The following PRKAG2 variants were observed in gnomAD, a reference collection of about 807,000 sequenced individuals.
PRKAG2 encodes 5'-AMP-activated protein kinase subunit gamma-2.
Under a neutral mutation model 69.6 loss-of-function variants are expected in PRKAG2, and 26 were observed. That is an observed-to-expected ratio of 0.37 (90% CI 0.27 to 0.52). The LOEUF (loss-of-function observed/expected upper bound fraction) is 0.52, where lower values mean the gene tolerates loss of function less well. PRKAG2 is among the 20% of genes least tolerant of loss of function. The pLI is 0.90. For synonymous variants in PRKAG2, 293 were observed against 285.0 expected, an observed-to-expected ratio of 1.03 and a Z score of -0.28; for missense variants, 557 against 740.0, an observed-to-expected ratio of 0.75 and a Z score of 2.87.
chr7:151,712,336 G>A (rs1220409714), intron 3 of PRKAG2, among the ~76,000 whole-genome samples: 1 of 152,220 alleles, frequency 6.6e-6, no homozygotes, highest in Non-Finnish European at 1.5e-5. Context: ...GTGTGGCCTG[G>A]AGGGAGAATC....
At position 151,799,411 on chromosome 7, in the gene PRKAG2, G is replaced by A. The variant is rs533473341; in HGVS notation, c.115-12870C>T. ...GATTGCAACGGGCTGGCCATCCCTC[G>A]CACGGGCCTGGCTATACTGGGCACA... On this transcript the variant is annotated intron_variant, in intron 1 of 15. Coordinates refer to ENST00000287878, the MANE Select transcript of PRKAG2 (RefSeq NM_016203.4). Among the ~76,000 whole-genome samples, 15 of 152,286 alleles carry A rather than the reference G, an allele frequency of 9.8e-5. No individual in the cohort carries two copies. The East Asian group carries it at 2.5e-3, about 25-fold the overall frequency.
chr7:151,649,986 G>T (rs993884403), intron 4 of PRKAG2, among the ~76,000 whole-genome samples: 5 of 152,076 alleles, frequency 3.3e-5, no homozygotes, highest in Non-Finnish European at 7.4e-5. Flanking sequence ...TCACCTCCCC[G>T]ACACACACCC....
Position 151,767,289 on chromosome 7 carries a change from CGTTTT to C in PRKAG2, c.466+13858_466+13862del, listed in dbSNP as rs1048692246. On this transcript the variant is annotated intron_variant, in intron 3 of 15. Transcript: ENST00000287878. ...CCAGCCTCTTGAGATAATAAACTCC[CGTTTT>C]GTTTTATTTTGTTAAAGATGGGGTC... Among the ~76,000 whole-genome samples the C allele has an allele frequency of 3.3e-5, 5 of 152,216 alleles. 1 individual carries two copies. The highest frequency in any genetic ancestry group is 1.2e-4 in the African/African-American group (5 of 41,536).
rs897732576 is a variant in PRKAG2 at position 151,632,600 on chromosome 7, G to A, written c.685-462C>T. 13 of 984,246 alleles carry A rather than the reference G, an allele frequency of 1.3e-5. No homozygotes were observed. The highest frequency in any genetic ancestry group is 1.7e-5 in the African/African-American group (1 of 57,186). The allele number at this position is 984,246 out of a possible 1,614,324, so 61.0% of individuals were successfully genotyped here. On this transcript the variant is annotated intron_variant, in intron 4 of 15. Coordinates refer to ENST00000287878, the MANE Select transcript of PRKAG2 (RefSeq NM_016203.4). The surrounding 1 kb of genome is among the most constrained non-coding windows in gnomAD (Gnocchi z 4.2). Reference sequence around the variant, plus strand: ...CCAGCACCGGCGGCCGCGCTCGGCAGGCTCCACCTGCGCAGGTGTGGGCTC... The same window carrying A: ...CCAGCACCGGCGGCCGCGCTCGGCAAGCTCCACCTGCGCAGGTGTGGGCTC...
At position 151,675,568 on chromosome 7, in the gene PRKAG2, G is replaced by C. The variant is rs1216586150; in HGVS notation, c.536C>G (p.Ser179Cys). The C allele has an allele frequency of 6.2e-7, 1 of 1,614,158 alleles. No individual in the cohort carries two copies. The highest frequency in any genetic ancestry group is 8.5e-7 in the Non-Finnish European group (1 of 1,179,960). Residue 179 changes from serine (S) to cysteine (C), a missense_variant, in exon 4 of 16, where the codon TCC (serine) becomes TGC (cysteine). Physicochemically the swap from Ser to Cys is moderately radical, Grantham distance 112 (BLOSUM62 -1). Transcript: ENST00000287878. ...VTKQHTFPLE[S>C]YKHEPERLEN... is the part of the protein sequence containing the mutation. ...TAACCGTTCAGGCTCGTGCTTATAG[G>C]ATTCCAGGGGAAACGTGTGCTGCTT...
intron 3 of PRKAG2, among the ~76,000 whole-genome samples, chr7:151,684,909 T>C (rs1387171673): frequency 1.3e-5 from 2 of 152,068 alleles, no homozygotes; most frequent in Non-Finnish European, 2.9e-5. Context: ...CCTGGAGACG[T>C]AAGAAATTGG....
intron 15 of PRKAG2, chr7:151,557,587 A>C (rs1804019921): frequency 1.0e-6 from 1 of 985,054 alleles, no homozygotes; most frequent in Non-Finnish European, 1.2e-6. Flanking sequence ...AAAAAGGTTT[A>C]GGCCGGGCGC....
chr7:151,857,129 GAAAA>G (rs34768438), intron 1 of PRKAG2, among the ~76,000 whole-genome samples: 1 of 122,742 alleles, frequency 8.1e-6, no homozygotes, highest in African/African-American at 3.1e-5. Flanking sequence ...ATCATTGCTG[GAAAA>G]AAAAAAAAAA....
At chr7:151,797,332 A>G (rs1209018444) in intron 1 of PRKAG2, among the ~76,000 whole-genome samples, 1 of 151,628 alleles carries the variant, frequency 6.6e-6, no homozygotes, top group African/African-American at 2.4e-5. Context: ...CATGAACTAC[A>G]ATAAAATTGG....
At chr7:151,748,370 T>A (rs1054144385) in intron 3 of PRKAG2, among the ~76,000 whole-genome samples, 5 of 152,152 alleles carry the variant, frequency 3.3e-5, no homozygotes, top group Non-Finnish European at 7.4e-5. Context: ...AAAGGCATTT[T>A]AGGGGGTAAT....
At chr7:151,623,815 C>T (rs1203284012) in intron 5 of PRKAG2, among the ~76,000 whole-genome samples, 9 of 151,564 alleles carry the variant, frequency 5.9e-5, no homozygotes. Flanking sequence ...GGGGTTACAT[C>T]GTATGTATGT....
chr7:151,839,515 G>A (rs193013828), intron 1 of PRKAG2, among the ~76,000 whole-genome samples: 1 of 152,356 alleles, frequency 6.6e-6, no homozygotes, highest in African/African-American at 2.4e-5. Flanking sequence ...GAATAGCAAT[G>A]TCTACAGTTC....
At chr7:151,675,239 T>C (rs1436642229) in intron 4 of PRKAG2, 181 bp downstream of exon 4, 5 of 721,258 alleles carry the variant, frequency 6.9e-6, no homozygotes, top group Non-Finnish European at 1.2e-5. Context: ...TGTATTTCCA[T>C]TTGCTATTGT....
At chr7:151,573,593 T>C (rs1263695526) in intron 8 of PRKAG2, among the ~76,000 whole-genome samples, 1 of 152,136 alleles carries the variant, frequency 6.6e-6, no homozygotes, top group Non-Finnish European at 1.5e-5. Context: ...ATTTGCTGCA[T>C]TTCACAGAAA....
rs572869694 is a variant in PRKAG2 at position 151,723,083 on chromosome 7, C to T, written c.467-47446G>A. 4.6e-5 allele frequency among the ~76,000 whole-genome samples: 7 copies of T among 152,332 alleles called. 1 individual carries two copies. The South Asian group carries it at 6.2e-4, about 14-fold the overall frequency. The stretch of plus-strand genomic sequence containing the variant: ...TAGTCACCATCTCTTTCTGTGTCCA[C>T]AGCCCCGGCTCTGAGAGGTGGACCA... On this transcript the variant is annotated intron_variant, in intron 3 of 15. Coordinates refer to ENST00000287878, the MANE Select transcript of PRKAG2 (RefSeq NM_016203.4).
intron 3 of PRKAG2, chr7:151,736,469 T>G: frequency 1.1e-6 from 1 of 879,046 alleles, no homozygotes; most frequent in Non-Finnish European, 1.4e-6. Flanking sequence ...GCAAGTCATG[T>G]GCAGCCGTGC....
chr7:151,648,267 C>T (rs575249145), intron 4 of PRKAG2, among the ~76,000 whole-genome samples: 3 of 152,292 alleles, frequency 2.0e-5, no homozygotes, highest in Admixed American at 1.3e-4. Context: ...ACCCCCAAGT[C>T]TTCCCTTAGG....
At chr7:151,565,572 T>A in intron 12 of PRKAG2, 148 bp downstream of exon 12, 8 of 1,164,288 alleles carry the variant, frequency 6.9e-6, no homozygotes, top group Non-Finnish European at 9.8e-6. Context: ...AAACTTTTTT[T>A]ACGATCCTGC....
rs139214999 is a variant in PRKAG2, at chr7:151,714,620, A to G, written c.467-38983T>C. 1.1e-3 allele frequency among the ~76,000 whole-genome samples: 170 copies of G among 152,330 alleles called. 3 individuals are homozygous for G. Among genetic ancestry groups the G allele is most frequent in the African/African-American group, 3.7e-3 (154 of 41,560 alleles). On this transcript the variant is annotated intron_variant, in intron 3 of 15. Transcript: ENST00000287878. ...AGCAAGTTTCCTTTCATTATAAAGA[A>G]AAGTGAAATAAATTGTTAAACATCT...
Sources: allele counts gnomAD v4.1 joint callset (sites outside exome capture counted in the v4.1 genomes callset), GRCh38; gene constraint gnomAD v4.1.1; non-coding constraint Gnocchi (gnomAD v3.1); transcripts MANE v1.5; gene names NCBI Gene and HGNC (gene_info 2026-07-23, HGNC 2026-07-21).